ZHX2: variants seen among roughly 807,000 people sequenced by gnomAD.
The protein encoded by ZHX2 is zinc fingers and homeoboxes 2.
A neutral mutation model predicts 21.9 loss-of-function variants in ZHX2; 6 were observed. The observed-to-expected ratio is 0.27, with a 90% CI of 0.15 to 0.54. The LOEUF (loss-of-function observed/expected upper bound fraction) is 0.54, where lower values mean the gene tolerates loss of function less well. Ranked by LOEUF, ZHX2 falls within the 20% of genes least tolerant of loss-of-function variation. The pLI, the probability that ZHX2 is intolerant of heterozygous loss-of-function variation, is 0.95. For missense variants in ZHX2, 908 were observed against 1,090.7 expected (o/e 0.83, Z 2.36); for synonymous variants, 434 against 437.1 (o/e 0.99, Z 0.09).
At chr8:122,908,792 A>G (rs922583220) in intron 2 of ZHX2, among the ~76,000 whole-genome samples, 2 of 152,110 alleles carry the variant, frequency 1.3e-5, no homozygotes, top group Non-Finnish European at 2.9e-5. Context: ...AGGCAAAGGG[A>G]AGACTTGCTT....
rs200277430 is a variant in ZHX2 at position 122,965,249 on chromosome 8, AT to A, written c.*5-7990del. ...CTTGAGGTGTGAGTTTAGGCTGTTT[AT>A]TTGTGCTCTTAGACTTTTTGATTGT... On this transcript the variant is annotated intron_variant, in intron 3 of 3. Coordinates refer to ENST00000314393, the MANE Select transcript of ZHX2 (RefSeq NM_014943.5). Among the ~76,000 whole-genome samples, 11 of 151,634 alleles carry A rather than the reference AT, an allele frequency of 7.3e-5. No individual in the cohort carries two copies. The East Asian group carries it at 2.1e-3, about 29-fold the overall frequency.
chr8:122,872,900 G>C (rs1333144929), intron 2 of ZHX2, among the ~76,000 whole-genome samples: 1 of 152,162 alleles, frequency 6.6e-6, no homozygotes, highest in African/African-American at 2.4e-5. Flanking sequence ...CCCACCGACA[G>C]CCAGCAGCTT....
rs191442238 is a variant in ZHX2 at position 122,790,574 on chromosome 8, T to C, written c.-283+8628T>C. 1.5e-3 allele frequency among the ~76,000 whole-genome samples: 223 copies of C among 152,250 alleles called. 1 individual carries two copies. The highest frequency in any genetic ancestry group is 2.4e-3 in the Non-Finnish European group (165 of 68,004). ...GCCTTTTGTGGGTGTGCTCGGACAA[T>C]CCTAAGAGAGGTTGGGATTCTGTTT... On this transcript the variant is annotated intron_variant, in intron 1 of 3. Transcript: ENST00000314393.
At chr8:122,927,052 G>C (rs1820876592) in intron 2 of ZHX2, among the ~76,000 whole-genome samples, 1 of 152,286 alleles carries the variant, frequency 6.6e-6, no homozygotes, top group South Asian at 2.1e-4. Flanking sequence ...GGTATCTTTT[G>C]GAGGACCACA....
chr8:122,904,089 G>T (rs543423811), intron 2 of ZHX2, among the ~76,000 whole-genome samples: 8 of 152,174 alleles, frequency 5.3e-5, no homozygotes, highest in Admixed American at 5.2e-4. Context: ...GTTTGGCTTG[G>T]TTCGTTTTGC....
intron 1 of ZHX2, among the ~76,000 whole-genome samples, chr8:122,834,031 G>A (rs1818444727): frequency 6.6e-6 from 1 of 151,736 alleles, no homozygotes; most frequent in Admixed American, 6.6e-5. Flanking sequence ...GAAAAGGTGT[G>A]CAGGGAGCAG....
chr8:122,885,213 C>T (rs1453030832), intron 2 of ZHX2, among the ~76,000 whole-genome samples: 1 of 152,206 alleles, frequency 6.6e-6, no homozygotes, highest in East Asian at 1.9e-4. Context: ...ACCTTTCTGG[C>T]TCATGGAAGT....
At chr8:122,882,496 T>C (rs1819737369) in intron 2 of ZHX2, among the ~76,000 whole-genome samples, 1 of 152,042 alleles carries the variant, frequency 6.6e-6, no homozygotes, top group Non-Finnish European at 1.5e-5. Flanking sequence ...AATTGGACAA[T>C]AACGAAATAT....
intron 2 of ZHX2, among the ~76,000 whole-genome samples, chr8:122,923,093 A>G (rs1194045868): frequency 6.6e-6 from 1 of 152,210 alleles, no homozygotes; most frequent in Non-Finnish European, 1.5e-5. Context: ...AGATAGAGGG[A>G]ATCTTCTCAC....
At chr8:122,797,715 CA>C (rs1484600039) in intron 1 of ZHX2, among the ~76,000 whole-genome samples, 19 of 151,976 alleles carry the variant, frequency 1.3e-4, no homozygotes, top group Admixed American at 7.2e-4. Context: ...GCCACCCAGA[CA>C]TTCAAAAAAA....
chr8:122,848,768 C>T (rs1477287147), intron 1 of ZHX2, among the ~76,000 whole-genome samples: 9 of 152,352 alleles, frequency 5.9e-5, no homozygotes, highest in Non-Finnish European at 1.3e-4. Context: ...AGTTGGCTGG[C>T]AGCGGTTCTG....
chr8:122,927,551 A>T (rs1820888136), intron 2 of ZHX2, among the ~76,000 whole-genome samples: 1 of 152,190 alleles, frequency 6.6e-6, no homozygotes, highest in Non-Finnish European at 1.5e-5. Flanking sequence ...TAGTTGACTC[A>T]CAGTTCCACA....
At position 122,928,645 on chromosome 8, in the gene ZHX2, T is replaced by C. The variant is rs368289238; in HGVS notation, c.-219-22647T>C. Among the ~76,000 whole-genome samples the C allele has an allele frequency of 2.0e-5, 3 of 152,312 alleles. No individual in the cohort carries two copies. The East Asian group carries it at 5.8e-4, about 29-fold the overall frequency. ...AAGGAAAGTCATTCGATTCCCGTAA[T>C]ATAGGCAAGCTGTCAGGATGGCTGG... On this transcript the variant is annotated intron_variant, in intron 2 of 3. Transcript: ENST00000314393.
intron 2 of ZHX2, among the ~76,000 whole-genome samples, chr8:122,892,263 G>A (rs1479629107): frequency 6.6e-6 from 1 of 152,006 alleles, no homozygotes; most frequent in Non-Finnish European, 1.5e-5. Flanking sequence ...TTCAGATTCT[G>A]TTTGCATGGA....
At chr8:122,949,490 G>A (rs183153267) in intron 2 of ZHX2, among the ~76,000 whole-genome samples, 1 of 152,158 alleles carries the variant, frequency 6.6e-6, no homozygotes, top group African/African-American at 2.4e-5. Context: ...TATAAATAGT[G>A]GGCAAATCTT....
At chr8:122,949,944 A>C (rs1813068448) in intron 2 of ZHX2, among the ~76,000 whole-genome samples, 1 of 152,182 alleles carries the variant, frequency 6.6e-6, no homozygotes, top group Non-Finnish European at 1.5e-5. Flanking sequence ...CTAATCAGCA[A>C]GGCTTTTTAA....
At chr8:122,797,821 A>G (rs1817640178) in intron 1 of ZHX2, among the ~76,000 whole-genome samples, 1 of 152,242 alleles carries the variant, frequency 6.6e-6, no homozygotes, top group African/African-American at 2.4e-5. Flanking sequence ...CGTAAAGAAA[A>G]TTAACATTTA....
chr8:122,910,736 G>T (rs1294079837), intron 2 of ZHX2, among the ~76,000 whole-genome samples: 6 of 151,824 alleles, frequency 4.0e-5, no homozygotes, highest in Admixed American at 3.3e-4. Context: ...GGCCCCTGCT[G>T]GGGGGTGGGG....
intron 2 of ZHX2, among the ~76,000 whole-genome samples, chr8:122,881,221 A>T (rs1819708068): frequency 6.6e-6 from 1 of 152,202 alleles, no homozygotes; most frequent in African/African-American, 2.4e-5. Flanking sequence ...GCACCTTGAC[A>T]TTGGAGCCTT....
Sources: gnomAD v4.1 joint callset for allele counts (sites outside exome capture counted in the v4.1 genomes callset) on GRCh38, gnomAD v4.1.1 for gene constraint, MANE v1.5 for transcripts, NCBI Gene and HGNC (gene_info 2026-07-23, HGNC 2026-07-21) for gene names.